RBM26: variants seen among roughly 807,000 people sequenced by gnomAD.
The protein encoded by RBM26 is RNA-binding protein 26.
Under a neutral mutation model 123.6 loss-of-function variants are expected in RBM26, and 30 were observed. The observed-to-expected ratio is 0.24, with a 90% CI of 0.18 to 0.33. The LOEUF (loss-of-function observed/expected upper bound fraction) is 0.33. Among genes scored for constraint, RBM26 ranks in the 10% least tolerant of loss-of-function variants. The probability of loss-of-function intolerance (pLI) is 1.00; values close to 1 mark genes in which losing one functional copy is unlikely to be tolerated. For synonymous variants in RBM26, 400 were observed against 404.4 expected (o/e 0.99, Z 0.13); for missense variants, 947 against 1,203.6 (o/e 0.79, Z 3.15).
In RBM26 at chr13:79,339,562, C is replaced by T. The variant is rs141636153; in HGVS notation, c.2532+1561G>A. Among the ~76,000 whole-genome samples the T allele has an allele frequency of 4.8e-3, 723 of 152,012 alleles. 2 individuals are homozygous for T. The highest frequency in any genetic ancestry group is 6.8e-3 in the Middle Eastern group (2 of 294). On this transcript the variant is annotated intron_variant, in intron 18 of 21. Coordinates refer to ENST00000438737, the MANE Select transcript of RBM26 (RefSeq NM_001366735.2). ...CATTTGTCAATATAACAAAATAACA[C>T]GTAATAATAAATTTTGAAGCTCAAG...
chr13:79,358,900 G>A lies in RBM26; in HGVS notation c.1530-467C>T, dbSNP rs574589177. On this transcript the variant is annotated intron_variant, in intron 10 of 21. Transcript: ENST00000438737. ...TTAAAAAAAGAAAAAAAGAATTGTT[G>A]GAACTATAAAGAATACATTTTGACA... 2.0e-5 allele frequency among the ~76,000 whole-genome samples: 3 copies of A among 152,110 alleles called. No individual in the cohort carries two copies. In the South Asian group the frequency reaches 6.2e-4, roughly 32 times the overall value.
At chr13:79,355,183 A>T in intron 12 of RBM26, 37 bp downstream of exon 12, 1 of 1,595,310 alleles carries the variant, frequency 6.3e-7, no homozygotes, top group Non-Finnish European at 8.6e-7. Context: ...GAGCTTTCTA[A>T]GAAATGCGCG....
chr13:79,339,741 G>A (rs1412861812), intron 18 of RBM26, among the ~76,000 whole-genome samples: 1 of 151,984 alleles, frequency 6.6e-6, no homozygotes, highest in Admixed American at 6.5e-5. Context: ...GAAATTAAAA[G>A]CCTCTAAGAA....
At chr13:79,345,164 A>G (rs1194620478) in intron 14 of RBM26, among the ~76,000 whole-genome samples, 1 of 152,164 alleles carries the variant, frequency 6.6e-6, no homozygotes, top group Non-Finnish European at 1.5e-5. Flanking sequence ...ATGGCACAGG[A>G]GGAAACTGGT....
At chr13:79,342,177 A>G (rs537438397) in intron 17 of RBM26, among the ~76,000 whole-genome samples, 8 of 151,944 alleles carry the variant, frequency 5.3e-5, no homozygotes, top group African/African-American at 1.9e-4. Context: ...CCTTATACAT[A>G]TATACATACA....
chr13:79,356,385 CAAACAAAA>C lies in RBM26; in HGVS notation c.1690-1009_1690-1002del, dbSNP rs1566428927. Among the ~76,000 whole-genome samples, 94 of 12,400 alleles carry C rather than the reference CAAACAAAA, an allele frequency of 7.6e-3. 1 individual carries two copies. Among genetic ancestry groups the C allele is most frequent in the African/African-American group, 0.019 (57 of 2,940 alleles). The allele number at this position is 12,400 out of a possible 152,430, so 8.1% of individuals were successfully genotyped here. On this transcript the variant is annotated intron_variant, in intron 11 of 21. Transcript: ENST00000438737. Reference sequence around the variant, plus strand: ...ACTCTGTCTCAAAAAAAAAAAAAAACAAACAAAAAAAAACAAAAAAGTAGTTGGAATCA... The same window carrying C: ...ACTCTGTCTCAAAAAAAAAAAAAAACAAAAACAAAAAAGTAGTTGGAATCA...
chr13:79,343,091 A>C (rs9574410), intron 16 of RBM26, among the ~76,000 whole-genome samples: 72,853 of 151,394 alleles, frequency 0.48, 18,065 homozygotes, highest in East Asian at 0.72. Flanking sequence ...ATAAGTTTGA[A>C]GCACACAACC....
At chr13:79,390,216 GCAT>G (rs1360889748) in intron 1 of RBM26, among the ~76,000 whole-genome samples, 2 of 151,960 alleles carry the variant, frequency 1.3e-5, no homozygotes, top group Non-Finnish European at 2.9e-5. Context: ...AATAATGAGA[GCAT>G]TATTATTGTT....
downstream of RBM26, among the ~76,000 whole-genome samples, chr13:79,317,494 G>A (rs1014023042): frequency 1.3e-5 from 2 of 151,500 alleles, no homozygotes; most frequent in African/African-American, 4.8e-5. Context: ...TTGCAGAATT[G>A]GGACCAAAAA....
Position 79,337,204 on chromosome 13 carries a change from C to T in RBM26, c.2631G>A (p.Gly877=). ...VHGRGRGRGR[G]RGVPGHAVVD... Reference sequence around the variant, plus strand: ...CCACAGCATGACCAGGCACACCTCGCCCTCGCCCTCGCCCCCTGCCTCGGC... The same window carrying T: ...CCACAGCATGACCAGGCACACCTCGTCCTCGCCCTCGCCCCCTGCCTCGGC... The change falls in exon 19 of 22, where the codon GGG becomes GGA. Residue 877 remains glycine, a synonymous_variant. Transcript: ENST00000438737. 1.9e-6 allele frequency: 3 copies of T among 1,614,056 alleles called. No individual in the cohort carries two copies. The South Asian group carries it at 3.3e-5, about 18-fold the overall frequency.
intron 18 of RBM26, among the ~76,000 whole-genome samples, chr13:79,338,953 TG>T: frequency 6.6e-6 from 1 of 152,230 alleles, no homozygotes; most frequent in Non-Finnish European, 1.5e-5. Flanking sequence ...ACTGTACAGA[TG>T]GGGTGTAGGA....
At chr13:79,329,185 G>GT in intron 20 of RBM26, among the ~76,000 whole-genome samples, 1 of 152,152 alleles carries the variant, frequency 6.6e-6, no homozygotes, top group East Asian at 1.9e-4. Context: ...GAATTAACAA[G>GT]TATCAGAGTG....
In RBM26 at chr13:79,343,241, G is replaced by A. The variant is rs1048453417; in HGVS notation, c.2260-410C>T. ...CATCTCCAGCCCAGAAAGAACCAGA[G>A]GAAAAGTTTTATGGTTCCTTTCATA... On this transcript the variant is annotated intron_variant, in intron 16 of 21. Coordinates refer to ENST00000438737, the MANE Select transcript of RBM26 (RefSeq NM_001366735.2). Among the ~76,000 whole-genome samples the A allele has an allele frequency of 5.9e-5, 9 of 151,706 alleles. No homozygotes were observed. In the South Asian group the frequency reaches 8.3e-4, roughly 14 times the overall value.
At chr13:79,367,406 CA>C (rs776345304) in intron 6 of RBM26, among the ~76,000 whole-genome samples, 1,875 of 39,378 alleles carry the variant, frequency 0.048, 39 homozygotes, top group African/African-American at 0.094. Flanking sequence ...GACTCCATCT[CA>C]AAAAAAAAAA....
chr13:79,384,512 C>T (rs2077324276), intron 1 of RBM26, among the ~76,000 whole-genome samples: 3 of 152,122 alleles, frequency 2.0e-5, no homozygotes, highest in African/African-American at 4.8e-5. Flanking sequence ...CTTCCTCGGC[C>T]TCCCAAAGTG....
chr13:79,381,794 T>G (rs1350190641), intron 1 of RBM26, among the ~76,000 whole-genome samples: 1 of 152,058 alleles, frequency 6.6e-6, no homozygotes, highest in Non-Finnish European at 1.5e-5. Flanking sequence ...GTAGAAGCAA[T>G]CTGAACTGAA....
At chr13:79,392,086 TATATAATAATGTATTATACAATACATA>T (rs1442469870) in intron 1 of RBM26, among the ~76,000 whole-genome samples, 129 of 135,262 alleles carry the variant, frequency 9.5e-4, no homozygotes, top group Non-Finnish European at 1.8e-3. Context: ...AATACATAAT[TATATAATAATGTATTATACAATACATA>T]ATTATATAAT....
chr13:79,381,471 T>C (rs559403404), intron 1 of RBM26, among the ~76,000 whole-genome samples: 3 of 152,106 alleles, frequency 2.0e-5, no homozygotes, highest in East Asian at 3.9e-4. Flanking sequence ...CTGCTGTATA[T>C]AAATTCAGTC....
intron 5 of RBM26, 77 bp from the exon 6 acceptor site, chr13:79,369,067 T>C: frequency 1.1e-6 from 1 of 946,058 alleles, no homozygotes; most frequent in East Asian, 2.9e-5. Flanking sequence ...GAAATAGTGA[T>C]ATTTTTATAA....
Sources: gnomAD v4.1 joint callset for allele counts (sites outside exome capture counted in the v4.1 genomes callset) on GRCh38, gnomAD v4.1.1 for gene constraint, MANE v1.5 for transcripts, NCBI Gene and HGNC (gene_info 2026-07-23, HGNC 2026-07-21) for gene names.